EVPL: variants seen among roughly 807,000 people sequenced by gnomAD.
EVPL encodes envoplakin, also known as 210 kDa cornified envelope precursor protein.
A neutral mutation model predicts 129.7 loss-of-function variants in EVPL; 94 were observed. The ratio of observed to expected loss-of-function variants is 0.72; its 90% confidence interval spans 0.61 to 0.86. The LOEUF (loss-of-function observed/expected upper bound fraction) is 0.86, where lower values mean the gene tolerates loss of function less well. EVPL is among the 40% of genes least tolerant of loss of function. EVPL has a pLI of 0.00. For missense variants in EVPL, 2,625 were observed against 2,721.1 expected (o/e 0.96, Z 0.79); for synonymous variants, 1,172 against 1,191.1 (o/e 0.98, Z 0.33).
intron 17 of EVPL, 112 bp from the exon 18 acceptor site, chr17:76,014,688 A>C: frequency 7.0e-7 from 1 of 1,424,432 alleles, no homozygotes; most frequent in Non-Finnish European, 9.5e-7. Flanking sequence ...AGGAGGCCCG[A>C]GTGGCCTGCT....
At position 76,017,845 on chromosome 17, in the gene EVPL, T is replaced by C; in HGVS notation, c.1604A>G (p.Asp535Gly). 6.2e-7 allele frequency: 1 copy of C among 1,614,024 alleles called. No individual in the cohort carries two copies. The highest frequency in any genetic ancestry group is 8.5e-7 in the Non-Finnish European group (1 of 1,180,028). The change falls in exon 14 of 22, where the codon GAT (aspartate) becomes GGT (glycine). Residue 535 changes from aspartate (D) to glycine (G), a missense_variant. This residue lies in a region of EVPL where 1,024 missense variants were observed against 997.5 expected (regional missense o/e 1.03). Transcript: ENST00000301607. The part of the protein sequence containing the change: ...QKLLTQMTRL[D>G]GDLGQIERQV... ...CCTCTCTATCTGTCCCAGGTCTCCA[T>C]CCAGCCGGGTCATCTGTGTCAGGAG...
In EVPL at chr17:76,022,385, G is replaced by T. The variant is rs781242153; in HGVS notation, c.606+28C>A. 1.9e-6 allele frequency: 3 copies of T among 1,611,652 alleles called. No homozygotes were observed. The Admixed American group carries it at 5.0e-5, about 27-fold the overall frequency. On this transcript the variant is annotated intron_variant, in intron 5 of 21. Transcript: ENST00000301607. This position sits in a 1 kb window ranked among gnomAD's most constrained non-coding sequence, Gnocchi z 5.6. ...GGAGAAACGGGCTGGGGCTGGCCCC[G>T]GATGTGACATCCTCCAGGCTCACCT...
Position 76,010,458 on chromosome 17 carries a change from G to A in EVPL, c.2747C>T (p.Ala916Val). Residue 916 changes from alanine to valine, a missense_variant, in exon 22 of 22, where the codon GCC (alanine) becomes GTC (valine). Physicochemically the swap from Ala to Val is moderately conservative, Grantham distance 64. This residue lies in a region of EVPL where 1,453 missense variants were observed against 1,511.8 expected (regional missense o/e 0.96). Coordinates refer to ENST00000301607, the MANE Select transcript of EVPL (RefSeq NM_001988.4). ...SPAQAGRESE[A>V]LKAQLEEERK... ...CTCCTCTTCCAGCTGGGCCTTCAGG[G>A]CCTCTGACTCTCTCCCTGCTTGGGC... 5.0e-6 allele frequency: 8 copies of A among 1,614,068 alleles called. No homozygotes were observed. The highest frequency in any genetic ancestry group is 6.8e-6 in the Non-Finnish European group (8 of 1,180,016).
At chr17:76,023,909 C>T in intron 2 of EVPL, 112 bp downstream of exon 2, 1 of 1,372,294 alleles carries the variant, frequency 7.3e-7, no homozygotes, top group African/African-American at 1.4e-5. Flanking sequence ...CAAAGGTCAT[C>T]TGTCCCATCT....
At position 76,009,879 on chromosome 17, in the gene EVPL, G is replaced by T; in HGVS notation, c.3326C>A (p.Ala1109Glu). Reference sequence around the variant, plus strand: ...CTGTAGCTTGGCCACAGCCTCCTCCGCCTGCTTCCTCCGCGCAGCATCCTC... The same window carrying T: ...CTGTAGCTTGGCCACAGCCTCCTCCTCCTGCTTCCTCCGCGCAGCATCCTC... ...MEEDAARRKQ[A>E]EEAVAKLQAR... The change falls in exon 22 of 22, where the codon GCG (alanine) becomes GAG (glutamate). Residue 1109 changes from alanine (A) to glutamate (E), a missense_variant. Physicochemically the swap from Ala to Glu is moderately radical, Grantham distance 107 (BLOSUM62 -1). This residue lies in a region of EVPL where 1,453 missense variants were observed against 1,511.8 expected (regional missense o/e 0.96). Coordinates refer to ENST00000301607, the MANE Select transcript of EVPL (RefSeq NM_001988.4). This position sits in a 1 kb window ranked among gnomAD's most constrained non-coding sequence, Gnocchi z 5.9. The T allele has an allele frequency of 6.2e-7, 1 of 1,614,038 alleles. No homozygotes were observed. Among genetic ancestry groups the T allele is most frequent in the East Asian group, 2.2e-5 (1 of 44,870 alleles).
Position 76,018,534 on chromosome 17 carries a change from G to T in EVPL, c.1351C>A (p.Gln451Lys), listed in dbSNP as rs114379026. Residue 451 changes from glutamine (Q) to lysine (K), a missense_variant, in exon 12 of 22, where the codon CAG (glutamine) becomes AAG (lysine). By Grantham distance (53) the Gln-to-Lys change is moderately conservative. Transcript: ENST00000301607. ...CGCTTGGTCTCCCCGCCAGGGCCCT[G>T]CACGACCCAGGCGTGCGGGTCAGTG... ...DNTDPHAWVV[Q>K]GPGGETKRAP... The T allele has an allele frequency of 9.4e-4, 1,516 of 1,612,772 alleles. 12 individuals carry two copies. In the African/African-American group the frequency reaches 0.018, roughly 19 times the overall value.
At chr17:76,025,868 G>A (rs2066495062) in intron 1 of EVPL, among the ~76,000 whole-genome samples, 1 of 152,216 alleles carries the variant, frequency 6.6e-6, no homozygotes, top group African/African-American at 2.4e-5. Flanking sequence ...TGCTGAGGCT[G>A]GGCTCCAGAG....
rs1478256988 is a variant in EVPL at position 76,008,296 on chromosome 17, C to T, written c.4909G>A (p.Glu1637Lys). ...ERQKAAQRGQ[E>K]LSRLEAAILR... is the part of the protein sequence containing the mutation. ...ATGGCCGCCTCCAGCCGCGAGAGCT[C>T]CTGGCCCCGCTGGGCCGCCTTCTGT... Residue 1637 changes from glutamate (E) to lysine (K), a missense_variant, in exon 22 of 22, where the codon GAG (glutamate) becomes AAG (lysine). By Grantham distance (56) the Glu-to-Lys change is moderately conservative. This residue lies in a region of EVPL where 1,453 missense variants were observed against 1,511.8 expected (regional missense o/e 0.96). Transcript: ENST00000301607. The surrounding 1 kb of genome is among the most constrained non-coding windows in gnomAD (Gnocchi z 7.4). 2 of 1,610,528 alleles carry T rather than the reference C, an allele frequency of 1.2e-6. No homozygotes were observed. The highest frequency in any genetic ancestry group is 1.1e-5 in the South Asian group (1 of 91,074).
At chr17:76,026,655 C>G (rs1485395529) in intron 1 of EVPL, among the ~76,000 whole-genome samples, 3 of 152,212 alleles carry the variant, frequency 2.0e-5, no homozygotes, top group African/African-American at 7.2e-5. Context: ...TGCCCTGTAC[C>G]CAGGCTCCAG....
chr17:76,015,023 G>A lies in EVPL; in HGVS notation c.2115C>T (p.Ala705=). Residue 705 remains alanine (A), a synonymous_variant, in exon 17 of 22, where the codon GCC becomes GCT. Transcript: ENST00000301607. ...ALKASEHACA[A]LQNNFQEFCQ... ...AGAACTCCTGGAAGTTGTTCTGCAG[G>A]GCAGCGCATGCGTGCTCCGAGGCCT... 1 of 1,595,132 alleles carries A rather than the reference G, an allele frequency of 6.3e-7. No homozygotes were observed. The highest frequency in any genetic ancestry group is 1.7e-5 in the Admixed American group (1 of 59,944).
chr17:76,008,617 G>A lies in EVPL; in HGVS notation c.4588C>T (p.Arg1530Cys), dbSNP rs769481718. 10 of 1,612,134 alleles carry A rather than the reference G, an allele frequency of 6.2e-6. No homozygotes were observed. Among genetic ancestry groups the A allele is most frequent in the Admixed American group, 1.7e-5 (1 of 60,026 alleles). The change falls in exon 22 of 22, where the codon CGC becomes TGC. Residue 1530 changes from arginine (R) to cysteine (C), a missense_variant. Coordinates refer to ENST00000301607, the MANE Select transcript of EVPL (RefSeq NM_001988.4). The surrounding 1 kb of genome is among the most constrained non-coding windows in gnomAD (Gnocchi z 7.4). ...CGGGCCCGCTCATCTTCCAGGACGC[G>A]GTCCTTCTGCACCCGGATCACTTCC... ...YKEVIRVQKDRVLEDERARVW... is the reference protein window; with the variant it reads ...YKEVIRVQKDCVLEDERARVW...
In EVPL at chr17:76,020,517, A is replaced by G. The variant is rs191749316; in HGVS notation, c.1012-864T>C. On this transcript the variant is annotated intron_variant, in intron 9 of 21. Coordinates refer to ENST00000301607, the MANE Select transcript of EVPL (RefSeq NM_001988.4). ...AGGTGCTTTGACGGAATTTTTGTCA[A>G]CGTGTGTGATCACAGTCTTGTGGTT... is the stretch of plus-strand genomic sequence containing the variant. Among the ~76,000 whole-genome samples the G allele has an allele frequency of 3.3e-5, 5 of 152,138 alleles. No homozygotes were observed. The East Asian group carries it at 9.6e-4, about 29-fold the overall frequency.
intron 14 of EVPL, among the ~76,000 whole-genome samples, chr17:76,016,133 A>T (rs1192858217): frequency 6.6e-6 from 1 of 152,166 alleles, no homozygotes; most frequent in African/African-American, 2.4e-5. Flanking sequence ...AGACAAGAGC[A>T]AGACTCCATC....
chr17:76,011,964 G>A, intron 19 of EVPL, 42 bp downstream of exon 19: 2 of 1,602,234 alleles, frequency 1.2e-6, no homozygotes, highest in Non-Finnish European at 1.7e-6. Flanking sequence ...GAGGGACAAG[G>A]GTGATGCATG....
chr17:76,024,126 G>T lies in EVPL; in HGVS notation c.99-6C>A. On this transcript the variant is annotated splice_region_variant and splice_polypyrimidine_tract_variant and intron_variant, in intron 1 of 21. Coordinates refer to ENST00000301607, the MANE Select transcript of EVPL (RefSeq NM_001988.4). This position sits in a 1 kb window ranked among gnomAD's most constrained non-coding sequence, Gnocchi z 4.5. ...CCAGCTCCTGGGTGGCAGCCCTAGT[G>T]TGTGGAGGGGACAGCGGGTAGCTCG... 6.2e-7 allele frequency: 1 copy of T among 1,612,972 alleles called. No homozygotes were observed. The highest frequency in any genetic ancestry group is 8.5e-7 in the Non-Finnish European group (1 of 1,179,608).
rs1363521517 is a variant in EVPL, at chr17:76,009,224, C to T, written c.3981G>A (p.Glu1327=). 2 of 1,608,482 alleles carry T rather than the reference C, an allele frequency of 1.2e-6. No individual in the cohort carries two copies. The highest frequency in any genetic ancestry group is 1.7e-6 in the Non-Finnish European group (2 of 1,179,928). Residue 1327 remains glutamate, a synonymous_variant, in exon 22 of 22, where the codon GAG becomes GAA. Coordinates refer to ENST00000301607, the MANE Select transcript of EVPL (RefSeq NM_001988.4). The surrounding 1 kb of genome is among the most constrained non-coding windows in gnomAD (Gnocchi z 5.9). ...CCTGGCGGAGCCGCTCTGCTTCTTT[C>T]TCCAGCACCGGGTCCTTCTCGTGGC... ...VVRHEKDPVL[E]KEAERLRQEV...
Position 76,009,474 on chromosome 17 carries a change from T to C in EVPL, c.3731A>G (p.Gln1244Arg), listed in dbSNP as rs1278019706. 1.2e-6 allele frequency: 2 copies of C among 1,614,122 alleles called. No individual in the cohort carries two copies. Among genetic ancestry groups the C allele is most frequent in the South Asian group, 2.2e-5 (2 of 91,082 alleles). The change falls in exon 22 of 22, where the codon CAG (glutamine) becomes CGG (arginine). Residue 1244 changes from glutamine (Q) to arginine (R), a missense_variant. Physicochemically the swap from Gln to Arg is conservative, Grantham distance 43. This residue lies in a region of EVPL where 1,453 missense variants were observed against 1,511.8 expected (regional missense o/e 0.96). Coordinates refer to ENST00000301607, the MANE Select transcript of EVPL (RefSeq NM_001988.4). The surrounding 1 kb of genome is among the most constrained non-coding windows in gnomAD (Gnocchi z 5.9). ...LLPDLEVLRA[Q>R]KPTVEYKEVT... ...CTCCTTGTACTCCACCGTGGGCTTC[T>C]GGGCCCGCAGGACCTCCAGGTCGGG...
Position 76,023,368 on chromosome 17 carries a change from G to A in EVPL, c.404C>T (p.Ala135Val), listed in dbSNP as rs781063156. ...RVTQECAEYR[A>V]LYEKMVLPPD... ...GGGCAGCACCATCTTCTCGTACAGGGCACGGTACTCCGCACACTCCTGGGT... is the reference window on the plus strand; with the variant it reads ...GGGCAGCACCATCTTCTCGTACAGGACACGGTACTCCGCACACTCCTGGGT... The change falls in exon 4 of 22, where the codon GCC becomes GTC. Residue 135 changes from alanine (A) to valine (V), a missense_variant. By Grantham distance (64) the Ala-to-Val change is moderately conservative. Coordinates refer to ENST00000301607, the MANE Select transcript of EVPL (RefSeq NM_001988.4). 1 of 1,613,788 alleles carries A rather than the reference G, an allele frequency of 6.2e-7. No individual in the cohort carries two copies. The highest frequency in any genetic ancestry group is 1.3e-5 in the African/African-American group (1 of 74,872).
intron 1 of EVPL, among the ~76,000 whole-genome samples, chr17:76,025,367 C>T (rs115658881): frequency 6.6e-6 from 1 of 152,274 alleles, no homozygotes; most frequent in African/African-American, 2.4e-5. Flanking sequence ...ACAGTCCTGG[C>T]ATACAGTAAG....
Sources: gnomAD v4.1 joint callset for allele counts (sites outside exome capture counted in the v4.1 genomes callset) on GRCh38, gnomAD v4.1.1 for gene constraint, gnomAD v4.1.1 regional missense constraint, Gnocchi (gnomAD v3.1) non-coding constraint, MANE v1.5 for transcripts, NCBI Gene and HGNC (gene_info 2026-07-23, HGNC 2026-07-21) for gene names.